The following NIN variants were observed in gnomAD, a reference collection of about 807,000 sequenced individuals.
NIN encodes glycogen synthase kinase 3 beta-interacting protein.
NIN carries 137 observed loss-of-function variants against 257.6 expected under a neutral mutation model. That is an observed-to-expected ratio of 0.53 (90% CI 0.46 to 0.61). The LOEUF is 0.61. NIN is among the 20% of genes least tolerant of loss of function. The pLI is 0.00. For synonymous variants in NIN, 918 were observed against 919.8 expected, an observed-to-expected ratio of 1.00 and a Z score of 0.04; for missense variants, 2,439 against 2,501.2, an observed-to-expected ratio of 0.98 and a Z score of 0.53.
intron 4 of NIN, among the ~76,000 whole-genome samples, chr14:50,798,048 AG>A (rs2043921371): frequency 6.6e-6 from 1 of 152,202 alleles, no homozygotes; most frequent in South Asian, 2.1e-4. Context: ...AACATTAAAA[AG>A]GCATCAGCAG....
chr14:50,824,015 C>G (rs1023174648), intron 2 of NIN, among the ~76,000 whole-genome samples: 3 of 152,166 alleles, frequency 2.0e-5, no homozygotes, highest in African/African-American at 7.2e-5. Context: ...CCAAGGTGCT[C>G]CAGGATTTTC....
chr14:50,818,082 G>A (rs2045004635), intron 3 of NIN, among the ~76,000 whole-genome samples: 1 of 151,538 alleles, frequency 6.6e-6, no homozygotes, highest in African/African-American at 2.4e-5. Flanking sequence ...CCAGCACTTT[G>A]GGAGGCCGAG....
At position 50,776,972 on chromosome 14, in the gene NIN, C is replaced by T. The variant is rs1185675224; in HGVS notation, c.643G>A (p.Gly215Ser). 6.2e-7 allele frequency: 1 copy of T among 1,613,484 alleles called. No individual in the cohort carries two copies. The highest frequency in any genetic ancestry group is 1.7e-5 in the Admixed American group (1 of 59,878). ...ACCTCTCCATCCACATTCTGTAAAC[C>T]ATACTGCTCACAGATGGAGACCAGC... Reference protein sequence around the residue: ...KKLVSICEQYGLQNVDGEMLE... With the variant: ...KKLVSICEQYSLQNVDGEMLE... Residue 215 changes from glycine (G) to serine (S), a missense_variant, in exon 7 of 31, where the codon GGT becomes AGT. Physicochemically the swap from Gly to Ser is moderately conservative, Grantham distance 56. Around this residue, in one of 3 missense-constraint regions of NIN, gnomAD observed 387 missense variants for 427.3 expected, o/e 0.91. Transcript: ENST00000530997.
chr14:50,735,556 A>G lies in NIN; in HGVS notation c.5837T>C (p.Leu1946Pro). ...LETIHLENEG[L>P]KKKQVKLDEQ... is the part of the protein sequence containing the mutation. ...ATCCAGTTTTACTTGTTTCTTTTTC[A>G]GGCCTTCATTTTCCAAATGAATTGT... Residue 1946 changes from leucine to proline, a missense_variant, in exon 28 of 31, where the codon CTG becomes CCG. This residue lies in a region of NIN where 2,043 missense variants were observed against 2,050.2 expected (regional missense o/e 1.00). Coordinates refer to ENST00000530997, the MANE Select transcript of NIN (RefSeq NM_020921.4). The G allele has an allele frequency of 5.6e-6, 9 of 1,613,102 alleles. No individual in the cohort carries two copies. The highest frequency in any genetic ancestry group is 1.3e-5 in the African/African-American group (1 of 75,044).
intron 8 of NIN, among the ~76,000 whole-genome samples, chr14:50,772,670 A>C (rs2042783307): frequency 6.6e-6 from 1 of 152,202 alleles, no homozygotes; most frequent in Non-Finnish European, 1.5e-5. Flanking sequence ...TTTGGTAGAG[A>C]GTTCTATGAC....
intron 3 of NIN, among the ~76,000 whole-genome samples, chr14:50,821,670 A>G (rs1030297172): frequency 3.9e-5 from 6 of 152,350 alleles, no homozygotes; most frequent in African/African-American, 7.2e-5. Flanking sequence ...ACTGTACACC[A>G]TAATTCCAGA....
chr14:50,803,766 A>AAGGGAG (rs1338836569), intron 4 of NIN, among the ~76,000 whole-genome samples: 1 of 152,182 alleles, frequency 6.6e-6, no homozygotes, highest in Non-Finnish European at 1.5e-5. Flanking sequence ...TACTTCCATA[A>AAGGGAG]AGGGAGAGGG....
intron 29 of NIN, 116 bp from the exon 30 acceptor site, chr14:50,726,182 A>C: frequency 4.0e-6 from 3 of 754,084 alleles, no homozygotes; most frequent in Non-Finnish European, 6.5e-6. Context: ...TGTAACAGGA[A>C]GGATGGATTT....
At chr14:50,727,132 A>ATATC (rs111554151) in intron 29 of NIN, 38 of 373,538 alleles carry the variant, frequency 1.0e-4, no homozygotes, top group African/African-American at 7.7e-4. Flanking sequence ...TAAATACAAA[A>ATATC]TGATGTCTAT....
chr14:50,726,738 A>G (rs1340144024), intron 29 of NIN, among the ~76,000 whole-genome samples: 4 of 152,202 alleles, frequency 2.6e-5, no homozygotes, highest in Non-Finnish European at 1.5e-5. Context: ...TGAGTTTTGG[A>G]GAGGAGAGAG....
At position 50,752,551 on chromosome 14, in the gene NIN, A is replaced by G. The variant is rs767129701; in HGVS notation, c.4917T>C (p.Asn1639=). 7.4e-6 allele frequency: 12 copies of G among 1,613,964 alleles called. No homozygotes were observed. The highest frequency in any genetic ancestry group is 1.7e-5 in the Admixed American group (1 of 59,998). ...TACAACGTTCCAGTTCTTCTTTCAG[A>G]TTAAACTTCTCTTGTTCCCGTTCCT... ...ALEEREQEKF[N]LKEELERCKV... is the part of the protein sequence containing the mutation. The change falls in exon 21 of 31, where the codon AAT becomes AAC. Residue 1639 remains asparagine (N), a synonymous_variant. Transcript: ENST00000530997.
chr14:50,811,149 C>T (rs2044579714), intron 3 of NIN, among the ~76,000 whole-genome samples: 1 of 150,664 alleles, frequency 6.6e-6, no homozygotes, highest in African/African-American at 2.4e-5. Flanking sequence ...GCTCTTGTCA[C>T]CCAGGCTGGA....
chr14:50,723,535 A>C lies in NIN; in HGVS notation c.6330T>G (p.Ile2110Met). The C allele has an allele frequency of 6.2e-7, 1 of 1,613,844 alleles. No homozygotes were observed. The highest frequency in any genetic ancestry group is 8.5e-7 in the Non-Finnish European group (1 of 1,179,844). ...EKKNYLLEEK[I>M]ASLSNIVRNL... ...TCCTAACTATATTACTGAGGCTGGC[A>C]ATCTTCTCCTCCAGGAGGTAATTTT... The change falls in exon 31 of 31, where the codon ATT becomes ATG. Residue 2110 changes from isoleucine to methionine, a missense_variant. Ile to Met is a conservative substitution (Grantham distance 10, BLOSUM62 1). This residue lies in a region of NIN where 2,043 missense variants were observed against 2,050.2 expected (regional missense o/e 1.00). Coordinates refer to ENST00000530997, the MANE Select transcript of NIN (RefSeq NM_020921.4).
chr14:50,778,566 C>T (rs2043007866), intron 6 of NIN, among the ~76,000 whole-genome samples, 199 bp downstream of exon 6: 1 of 152,184 alleles, frequency 6.6e-6, no homozygotes, highest in Non-Finnish European at 1.5e-5. Flanking sequence ...AATTATATAT[C>T]TTAGTTACCA....
At chr14:50,822,506 A>C (rs146338581) in intron 2 of NIN, among the ~76,000 whole-genome samples, 129 of 152,350 alleles carry the variant, frequency 8.5e-4, no homozygotes, top group African/African-American at 2.9e-3. Flanking sequence ...ACTAATTGTT[A>C]GCGCCAGCAG....
chr14:50,799,921 G>A (rs747162577), intron 4 of NIN, among the ~76,000 whole-genome samples: 6 of 152,068 alleles, frequency 3.9e-5, no homozygotes, highest in Non-Finnish European at 8.8e-5. Context: ...GTTGCAGTGA[G>A]CCGAGATTGC....
intron 2 of NIN, among the ~76,000 whole-genome samples, chr14:50,822,738 G>A (rs1203102002): frequency 3.3e-5 from 5 of 152,174 alleles, no homozygotes; most frequent in Admixed American, 3.3e-4. Flanking sequence ...CCTTTTACAC[G>A]AGTTCCTCAA....
intron 25 of NIN, among the ~76,000 whole-genome samples, chr14:50,741,308 T>C (rs2041269308): frequency 6.6e-6 from 1 of 152,228 alleles, no homozygotes; most frequent in African/African-American, 2.4e-5. Context: ...GTTTCATTTA[T>C]ATGAAATTTA....
chr14:50,749,977 G>A (rs1018182066), intron 21 of NIN, among the ~76,000 whole-genome samples: 2 of 152,116 alleles, frequency 1.3e-5, no homozygotes, highest in Admixed American at 1.3e-4. Flanking sequence ...ACAGGCATGA[G>A]CCACTATACC....
Sources: allele counts gnomAD v4.1 joint callset (sites outside exome capture counted in the v4.1 genomes callset), GRCh38; gene constraint gnomAD v4.1.1; regional missense constraint gnomAD v4.1.1; transcripts MANE v1.5; gene names NCBI Gene and HGNC (gene_info 2026-07-23, HGNC 2026-07-21).